Variants in SHANK1 observed in about 807,000 individuals in gnomAD.
SHANK1 encodes SH3 and multiple ankyrin repeat domains 1, also known as SH3 and multiple ankyrin repeat domains protein 1.
In SHANK1, 35 loss-of-function variants were observed where a neutral mutation model predicts 165.6. That is an observed-to-expected ratio of 0.21 (90% CI 0.16 to 0.28). The LOEUF is 0.28. Ranked by LOEUF, SHANK1 falls within the 10% of genes least tolerant of loss-of-function variation. SHANK1 has a pLI of 1.00. For missense variants in SHANK1, 2,681 were observed against 3,036.4 expected (o/e 0.88, Z 2.75); for synonymous variants, 1,428 against 1,384.8 (o/e 1.03, Z -0.69).
At position 50,697,185 on chromosome 19, in the gene SHANK1, C is replaced by T; in HGVS notation, c.1938-63G>A. On this transcript the variant is annotated intron_variant, in intron 14 of 23. Transcript: ENST00000293441. The surrounding 1 kb of genome is among the most constrained non-coding windows in gnomAD (Gnocchi z 4.7). ...AGGTGTCAGTGCACCCATCTCCTCA[C>T]CCCAATCCCACCCAGCCCTGACTGC... The T allele has an allele frequency of 6.2e-7, 1 of 1,613,660 alleles. No homozygotes were observed. Among genetic ancestry groups the T allele is most frequent in the East Asian group, 2.2e-5 (1 of 44,882 alleles).
chr19:50,659,846 G>A lies in SHANK1; in HGVS notation c.*2119C>T, dbSNP rs1402583348. 6.9e-6 allele frequency among the ~76,000 whole-genome samples: 1 copy of A among 144,612 alleles called. No individual in the cohort carries two copies. Among genetic ancestry groups the A allele is most frequent in the Non-Finnish European group, 1.5e-5 (1 of 66,188 alleles). The allele number at this position is 144,612 out of a possible 152,430, so 94.9% of individuals were successfully genotyped here. ...ATGAACGAGCCCTTGATAGACGGGC[G>A]CCGCGCAGGCCCCCTGCGGACTGGG... On this transcript the variant is annotated 3_prime_UTR_variant, in exon 24 of 24. Coordinates refer to ENST00000293441, the MANE Select transcript of SHANK1 (RefSeq NM_016148.5).
At chr19:50,705,670 G>A (rs1383954799) in intron 8 of SHANK1, among the ~76,000 whole-genome samples, 2 of 152,166 alleles carry the variant, frequency 1.3e-5, no homozygotes, top group East Asian at 3.8e-4. Context: ...AATGTCTCTA[G>A]ACATTGCCAA....
Position 50,686,730 on chromosome 19 carries a change from C to T in SHANK1, c.2458+14G>A, listed in dbSNP as rs377052784. 1.2e-6 allele frequency: 2 copies of T among 1,612,788 alleles called. No homozygotes were observed. The highest frequency in any genetic ancestry group is 1.7e-6 in the Non-Finnish European group (2 of 1,179,262). ...GGGCCCGGCATCCCGAGGAGCAGGGCTGGGCCGTCTTACTGAGAGCCATCT... is the reference window on the plus strand; with the variant it reads ...GGGCCCGGCATCCCGAGGAGCAGGGTTGGGCCGTCTTACTGAGAGCCATCT... On this transcript the variant is annotated intron_variant, in intron 20 of 23. Coordinates refer to ENST00000293441, the MANE Select transcript of SHANK1 (RefSeq NM_016148.5). This position sits in a 1 kb window ranked among gnomAD's most constrained non-coding sequence, Gnocchi z 5.7.
At chr19:50,672,239 G>C in intron 21 of SHANK1, 125 bp from the exon 22 acceptor site, 1 of 781,340 alleles carries the variant, frequency 1.3e-6, no homozygotes, top group Non-Finnish European at 2.1e-6. Context: ...CCGTAAGGGA[G>C]AGCAGTGTGA....
chr19:50,715,856 G>T, intron 3 of SHANK1, 126 bp from the exon 4 acceptor site: 1 of 898,178 alleles, frequency 1.1e-6, no homozygotes. Flanking sequence ...GGGTGGGAGT[G>T]AAAACAGCCC....
Position 50,659,771 on chromosome 19 carries a change from TC to T in SHANK1, c.*2193del, listed in dbSNP as rs553926999. Among the ~76,000 whole-genome samples, 272 of 25,862 alleles carry T rather than the reference TC, an allele frequency of 0.011. 2 individuals carry two copies. Among genetic ancestry groups the T allele is most frequent in the African/African-American group, 0.039 (243 of 6,290 alleles). The allele number at this position is 25,862 out of a possible 152,430, so 17.0% of individuals were successfully genotyped here. A position where few individuals can be genotyped will look rare whatever the true frequency, so the allele number is the denominator to read the frequency against. ...CCCCACTCCCCACCCCGACCTCTCC[TC>T]CCCCCCCCACCCCCTACACCCTCCC... is the stretch of plus-strand genomic sequence containing the variant. On this transcript the variant is annotated 3_prime_UTR_variant, in exon 24 of 24. Transcript: ENST00000293441.
chr19:50,668,897 AG>A lies in SHANK1; in HGVS notation c.3062del (p.Pro1021LeufsTer322). On this transcript the variant is annotated frameshift_variant, in exon 23 of 24. Transcript: ENST00000293441. LOFTEE classifies it high-confidence loss of function. The stretch of plus-strand genomic sequence containing the variant: ...CGCCTGTCTCCATCTCGGGAGGATG[AG>A]GGGGGTGGGCGTGGTGGTGGTGGGG... ...PQPHHHHAHPPHPPEMETGGS... is the reference protein window; with the variant it reads ...PQPHHHHAHPXHPPEMETGGS... 6 of 679,918 alleles carry A rather than the reference AG, an allele frequency of 8.8e-6. No homozygotes were observed. The highest frequency in any genetic ancestry group is 1.1e-5 in the Non-Finnish European group (6 of 532,150). The allele number at this position is 679,918 out of a possible 1,614,324, so 42.1% of individuals were successfully genotyped here. A position where few individuals can be genotyped will look rare whatever the true frequency, so the allele number is the denominator to read the frequency against.
At position 50,697,647 on chromosome 19, in the gene SHANK1, C is replaced by T. The variant is rs1328282277; in HGVS notation, c.1879G>A (p.Ala627Thr). 6.2e-7 allele frequency: 1 copy of T among 1,613,830 alleles called. No homozygotes were observed. Among genetic ancestry groups the T allele is most frequent in the Non-Finnish European group, 8.5e-7 (1 of 1,179,982 alleles). ...GTATAATGCCGGAAGAGTCTCTTTG[C>T]CTTGTCACTGCGGCTTTCTGCAGGG... ...ESKQESRSDK[A>T]KRLFRHYTVG... The change falls in exon 14 of 24, where the codon GCA becomes ACA. Residue 627 changes from alanine (A) to threonine (T), a missense_variant. By Grantham distance (58) the Ala-to-Thr change is moderately conservative. Coordinates refer to ENST00000293441, the MANE Select transcript of SHANK1 (RefSeq NM_016148.5). The surrounding 1 kb of genome is among the most constrained non-coding windows in gnomAD (Gnocchi z 4.7).
intron 15 of SHANK1, among the ~76,000 whole-genome samples, chr19:50,695,973 C>T (rs1462172356): frequency 4.6e-5 from 7 of 152,232 alleles, no homozygotes; most frequent in East Asian, 1.9e-4. Flanking sequence ...GCCGGGCGCA[C>T]GGCACAGCAC....
intron 21 of SHANK1, among the ~76,000 whole-genome samples, chr19:50,676,004 T>C (rs978849763): frequency 6.6e-6 from 1 of 151,398 alleles, no homozygotes; most frequent in Non-Finnish European, 1.5e-5. Context: ...TAAAATAAAA[T>C]AGAATAAAAT....
intron 7 of SHANK1, among the ~76,000 whole-genome samples, chr19:50,711,703 T>G (rs2089012876): frequency 6.6e-6 from 1 of 152,238 alleles, no homozygotes; most frequent in Admixed American, 6.5e-5. Flanking sequence ...GCGTCTGGTC[T>G]GCCTCCTTAA....
chr19:50,711,279 G>T, intron 8 of SHANK1, 92 bp downstream of exon 8: 1 of 751,238 alleles, frequency 1.3e-6, no homozygotes, highest in Non-Finnish European at 2.3e-6. Flanking sequence ...GGAGGGTGCA[G>T]AGATGCAGTC....
chr19:50,666,404 G>A lies in SHANK1; in HGVS notation c.5556C>T (p.Pro1852=), dbSNP rs370380084. 25 of 1,612,568 alleles carry A rather than the reference G, an allele frequency of 1.6e-5. No individual in the cohort carries two copies. Among genetic ancestry groups the A allele is most frequent in the African/African-American group, 6.7e-5 (5 of 74,930 alleles). ...EGPGPPPPPL[P]GPLAQPQASA... The stretch of plus-strand genomic sequence containing the variant: ...AGGCCTGAGGCTGGGCCAAGGGCCC[G>A]GGCAGAGGTGGTGGCGGTGGGCCCG... Residue 1852 remains proline, a synonymous_variant, in exon 23 of 24, where the codon CCC becomes CCT. Coordinates refer to ENST00000293441, the MANE Select transcript of SHANK1 (RefSeq NM_016148.5).
At chr19:50,714,127 T>C (rs1461802066) in intron 5 of SHANK1, 55 bp downstream of exon 5, 3 of 1,568,776 alleles carry the variant, frequency 1.9e-6, no homozygotes, top group Admixed American at 1.7e-5. Flanking sequence ...ATGGCACCCC[T>C]GCTCCCCAGC....
chr19:50,707,706 A>G (rs2088956161), intron 8 of SHANK1, among the ~76,000 whole-genome samples: 1 of 151,276 alleles, frequency 6.6e-6, no homozygotes, highest in Non-Finnish European at 1.5e-5. Context: ...TGGTTCACCT[A>G]TCTCCTATGA....
At chr19:50,694,216 TGCAG>T (rs796761194) in intron 15 of SHANK1, among the ~76,000 whole-genome samples, 2 of 151,336 alleles carry the variant, frequency 1.3e-5, no homozygotes, top group East Asian at 2.0e-4. Context: ...CGCACGCGGC[TGCAG>T]GCAGTCACAC....
chr19:50,665,566 C>CAAAAAAAAAA (rs141839934), intron 23 of SHANK1, among the ~76,000 whole-genome samples: 2 of 47,632 alleles, frequency 4.2e-5, no homozygotes, highest in African/African-American at 1.0e-4. Context: ...GACTCTGTCT[C>CAAAAAAAAAA]AAAAAAAAAA....
chr19:50,681,360 A>G (rs1317872744), intron 21 of SHANK1, among the ~76,000 whole-genome samples: 1 of 152,150 alleles, frequency 6.6e-6, no homozygotes, highest in African/African-American at 2.4e-5. Flanking sequence ...GGTCCTCTGG[A>G]CACAGAGGGA....
intron 15 of SHANK1, among the ~76,000 whole-genome samples, chr19:50,695,151 A>T (rs1986693114): frequency 7.0e-6 from 1 of 142,000 alleles, no homozygotes; most frequent in Non-Finnish European, 1.5e-5. Flanking sequence ...CCGGGCCCCC[A>T]GGCCCCGCCT....
Sources: allele counts gnomAD v4.1 joint callset (sites outside exome capture counted in the v4.1 genomes callset), GRCh38; gene constraint gnomAD v4.1.1; non-coding constraint Gnocchi (gnomAD v3.1); transcripts MANE v1.5; gene names NCBI Gene and HGNC (gene_info 2026-07-23, HGNC 2026-07-21).